Variants in NPC1 observed in about 807,000 individuals in gnomAD.
NPC1 encodes the protein Niemann-Pick C1 protein.
NPC1 carries 85 observed loss-of-function variants against 140.4 expected under a neutral mutation model. The ratio of observed to expected loss-of-function variants is 0.61; its 90% CI spans 0.51 to 0.72. NPC1 has a LOEUF of 0.72. Among genes scored for constraint, NPC1 ranks in the 30% least tolerant of loss-of-function variants. NPC1 has a pLI of 0.00. For missense variants in NPC1, 1,504 were observed against 1,623.8 expected (o/e 0.93, Z 1.27); for synonymous variants, 656 against 624.8 (o/e 1.05, Z -0.74).
chr18:23,583,508 G>C (rs141900973), intron 1 of NPC1, among the ~76,000 whole-genome samples: 16 of 152,226 alleles, frequency 1.1e-4, no homozygotes, highest in Non-Finnish European at 1.6e-4. Flanking sequence ...GCAGGATTTT[G>C]CTAGCAAGCA....
chr18:23,530,581 G>T (rs772985708), downstream of NPC1: 4 of 1,614,018 alleles, frequency 2.5e-6, no homozygotes, highest in South Asian at 4.4e-5. Context: ...AGCGAAACCA[G>T]CGTTTGCGAG....
At chr18:23,522,284 T>C (rs1028626589), downstream of NPC1, 2 of 152,232 alleles carry the variant, frequency 1.3e-5, no homozygotes, top group African/African-American at 4.8e-5. Context: ...AAAGAATAGA[T>C]TTTGCCAAGT....
At chr18:23,512,876 A>G (rs899121581) in intron 3 of NPC1, among the ~76,000 whole-genome samples, 15 of 152,148 alleles carry the variant, frequency 9.9e-5, no homozygotes, top group Admixed American at 7.2e-4. Context: ...TGTGAAACCA[A>G]AACTATCCAG....
At chr18:23,534,173 T>G in intron 23 of NPC1, 1 of 555,432 alleles carries the variant, frequency 1.8e-6, no homozygotes. Context: ...TCCCCTGCAT[T>G]TTAAATGGGA....
chr18:23,535,404 AAGAC>A (rs780153331), intron 22 of NPC1, 61 bp downstream of exon 22: 17 of 1,175,808 alleles, frequency 1.4e-5, no homozygotes, highest in South Asian at 1.4e-4. Context: ...CATGGAATCT[AAGAC>A]AGCCAATTCC....
chr18:23,530,061 G>A (rs754505702), downstream of NPC1: 5 of 1,614,132 alleles, frequency 3.1e-6, no homozygotes, highest in Non-Finnish European at 4.2e-6. Context: ...CAAAACCCTT[G>A]TCCAGCACAA....
intron 10 of NPC1, among the ~76,000 whole-genome samples, chr18:23,549,140 A>G (rs1303424819): frequency 1.3e-5 from 2 of 152,130 alleles, no homozygotes; most frequent in African/African-American, 4.8e-5. Flanking sequence ...GTATATTTCC[A>G]ATTTTGATAA....
downstream of NPC1, chr18:23,530,720 C>A (rs1391724213): frequency 1.9e-6 from 2 of 1,029,652 alleles, no homozygotes; most frequent in Non-Finnish European, 2.8e-6. Flanking sequence ...GTAAACAACA[C>A]AATTTGATAA....
rs1190383931 is a variant in NPC1 at position 23,554,785 on chromosome 18, T to G, written c.1526A>C (p.Tyr509Ser). 7.4e-6 allele frequency: 12 copies of G among 1,614,072 alleles called. No homozygotes were observed. Among genetic ancestry groups the G allele is most frequent in the Non-Finnish European group, 1.0e-5 (12 of 1,179,946 alleles). The change falls in exon 9 of 25, where the codon TAC becomes TCC. Residue 509 changes from tyrosine to serine, a missense_variant. Physicochemically the swap from Tyr to Ser is moderately radical, Grantham distance 144. Coordinates refer to ENST00000269228, the MANE Select transcript of NPC1 (RefSeq NM_000271.5). ...KGDDFFVYAD[Y>S]HTHFLYCVRA... ...TACGCAGTACAGAAAGTGCGTGTGG[T>G]AATCGGCATACACAAAGAAGTCGTC...
At chr18:23,524,956 T>C (rs1238481989), downstream of NPC1, among the ~76,000 whole-genome samples, 1 of 144,946 alleles carries the variant, frequency 6.9e-6, no homozygotes, top group Non-Finnish European at 1.5e-5. Context: ...TTTTTTTTTT[T>C]TTTTTTTTTG....
chr18:23,562,633 A>G (rs1422580208), intron 4 of NPC1, among the ~76,000 whole-genome samples: 1 of 152,152 alleles, frequency 6.6e-6, no homozygotes, highest in Non-Finnish European at 1.5e-5. Context: ...GCTGGTAAGA[A>G]AATCTCCAAT....
At chr18:23,529,488 G>A (rs1407491715), downstream of NPC1, 18 of 1,240,786 alleles carry the variant, frequency 1.5e-5, no homozygotes, top group Non-Finnish European at 2.0e-5. Flanking sequence ...GTTGACGGGT[G>A]GTTCTGGAGC....
Position 23,532,261 on chromosome 18 carries a change from T to G in NPC1, c.3778A>C (p.Ser1260Arg). The G allele has an allele frequency of 1.9e-6, 3 of 1,614,140 alleles. No homozygotes were observed. Among genetic ancestry groups the G allele is most frequent in the Non-Finnish European group, 2.5e-6 (3 of 1,180,028 alleles). Residue 1260 changes from serine (S) to arginine (R), a missense_variant, in exon 25 of 25, where the codon AGT becomes CGT. By Grantham distance (110) the Ser-to-Arg change is moderately radical. Coordinates refer to ENST00000269228, the MANE Select transcript of NPC1 (RefSeq NM_000271.5). ...YIGPSVNKAK[S>R]CATEERYKGT... ...TTGTATCGCTCTTCAGTGGCACAAC[T>G]TTTGGCTTTATTTACTGATGGCCCT... is the stretch of plus-strand genomic sequence containing the variant.
chr18:23,526,208 G>A (rs1436465435), downstream of NPC1, among the ~76,000 whole-genome samples: 6 of 152,206 alleles, frequency 3.9e-5, no homozygotes, highest in Admixed American at 1.3e-4. Context: ...GAGAGCCTCT[G>A]GAGTTACCTT....
chr18:23,558,690 G>A (rs1209988365), intron 6 of NPC1, among the ~76,000 whole-genome samples: 1 of 152,122 alleles, frequency 6.6e-6, no homozygotes, highest in African/African-American at 2.4e-5. Flanking sequence ...TAATGGCATG[G>A]TCGTGGTTTT....
intron 4 of NPC1, among the ~76,000 whole-genome samples, chr18:23,564,165 G>T (rs1439468965): frequency 6.6e-6 from 1 of 151,334 alleles, no homozygotes; most frequent in African/African-American, 2.4e-5. Flanking sequence ...TTCTATTTTA[G>T]TAGAGACAGG....
intron 19 of NPC1, 135 bp from the exon 20 acceptor site, chr18:23,538,806 T>C: frequency 1.1e-6 from 1 of 911,540 alleles, no homozygotes; most frequent in Non-Finnish European, 1.7e-6. Context: ...AGGGATAATC[T>C]TTCCCCTTAT....
At chr18:23,572,242 T>C in intron 2 of NPC1, 62 bp from the exon 3 acceptor site, 1 of 1,083,270 alleles carries the variant, frequency 9.2e-7, no homozygotes, top group Non-Finnish European at 1.4e-6. Flanking sequence ...TCAACATTCC[T>C]CAGTGAACTA....
downstream of NPC1, chr18:23,528,885 T>C: frequency 6.0e-6 from 1 of 165,508 alleles, no homozygotes; most frequent in Non-Finnish European, 1.3e-5. Context: ...TCTGAACTGC[T>C]TTTTTTTTTT....
Sources: gnomAD v4.1 joint callset for allele counts (sites outside exome capture counted in the v4.1 genomes callset) on GRCh38, gnomAD v4.1.1 for gene constraint, MANE v1.5 for transcripts, NCBI Gene and HGNC (gene_info 2026-07-23, HGNC 2026-07-21) for gene names.